PTCH1: variants seen among roughly 807,000 people sequenced by gnomAD.
The protein encoded by PTCH1 is patched 1.
PTCH1 carries 14 observed loss-of-function variants against 144.6 expected under a neutral mutation model. That is an observed-to-expected ratio of 0.10 (90% CI 0.06 to 0.15). The LOEUF (loss-of-function observed/expected upper bound fraction) is 0.15. PTCH1 is among the 10% of genes least tolerant of loss of function. The pLI, the probability that PTCH1 is intolerant of heterozygous loss-of-function variation, is 1.00. For synonymous variants in PTCH1, 833 were observed against 793.6 expected, an observed-to-expected ratio of 1.05 and a Z score of -0.83; for missense variants, 1,623 against 1,948.3, an observed-to-expected ratio of 0.83 and a Z score of 3.14.
chr9:95,453,390 A>C, intron 20 of PTCH1, 88 bp downstream of exon 20: 1 of 1,591,604 alleles, frequency 6.3e-7, no homozygotes, highest in East Asian at 2.2e-5. Flanking sequence ...TCGGCCTCCT[A>C]AAGTGCTGGG....
chr9:95,462,358 C>CG (rs1839564982), intron 15 of PTCH1, among the ~76,000 whole-genome samples: 1 of 152,164 alleles, frequency 6.6e-6, no homozygotes, highest in South Asian at 2.1e-4. Flanking sequence ...TCGTGCCACT[C>CG]GGGGTGCTAA....
chr9:95,447,918 T>C (rs994462191), intron 22 of PTCH1, among the ~76,000 whole-genome samples: 2 of 152,226 alleles, frequency 1.3e-5, no homozygotes, highest in African/African-American at 4.8e-5. Flanking sequence ...TAAGTTTTAA[T>C]GAACTAAAAT....
intron 17 of PTCH1, among the ~76,000 whole-genome samples, chr9:95,459,383 G>A (rs2136668322): frequency 6.6e-6 from 1 of 152,316 alleles, no homozygotes; most frequent in Non-Finnish European, 1.5e-5. Context: ...AGCTACGAAT[G>A]GAGACGAGAC....
intron 3 of PTCH1, 71 bp from the exon 4 acceptor site, chr9:95,482,274 A>C (rs1403788971): frequency 7.1e-7 from 1 of 1,415,142 alleles, no homozygotes; most frequent in East Asian, 2.3e-5. Context: ...TCGAAATGAT[A>C]GAACATATAA....
intron 16 of PTCH1, among the ~76,000 whole-genome samples, chr9:95,460,750 C>A (rs778880325): frequency 2.0e-5 from 3 of 152,120 alleles, no homozygotes; most frequent in African/African-American, 7.2e-5. Flanking sequence ...TTCTCCCTCC[C>A]GGGAGGAGGA....
intron 19 of PTCH1, 126 bp from the exon 20 acceptor site, chr9:95,453,746 T>A: frequency 7.7e-7 from 1 of 1,297,054 alleles, no homozygotes; most frequent in Non-Finnish European, 1.1e-6. Flanking sequence ...CTAGAATGTG[T>A]AATCAGAGTA....
chr9:95,459,340 G>A (rs577249790), intron 17 of PTCH1, among the ~76,000 whole-genome samples: 1 of 152,344 alleles, frequency 6.6e-6, no homozygotes, highest in Admixed American at 6.5e-5. Context: ...GCTGGCACGT[G>A]AGAGCAACGC....
At chr9:95,511,367 C>T (rs1022006778), upstream of PTCH1, among the ~76,000 whole-genome samples, 1 of 152,208 alleles carries the variant, frequency 6.6e-6, no homozygotes, top group Non-Finnish European at 1.5e-5. Flanking sequence ...GCCTCTCCTC[C>T]TCCCCGGCTT....
exon 1 of PTCH1, chr9:95,516,610 G>T (rs749971402): frequency 2.0e-5 from 32 of 1,599,826 alleles, no homozygotes; most frequent in Non-Finnish European, 1.6e-5. Context: ...GTCTTCCCTC[G>T]TCTCCCCCTT....
chr9:95,453,713 C>T lies in PTCH1; in HGVS notation c.3307-93G>A, dbSNP rs575730511. The T allele has an allele frequency of 1.3e-5, 20 of 1,532,806 alleles. No homozygotes were observed. In the South Asian group the frequency reaches 2.2e-4, roughly 17 times the overall value. The allele number at this position is 1,532,806 out of a possible 1,614,324, so 95.0% of individuals were successfully genotyped here. On this transcript the variant is annotated intron_variant, in intron 19 of 23. Coordinates refer to ENST00000331920, the MANE Select transcript of PTCH1 (RefSeq NM_000264.5). ...TAAATGTTACAAGCTCTCAGAACTG[C>T]TCACATCTTACTGTTTTAGTTGCTA...
intron 1 of PTCH1, chr9:95,514,569 A>T (rs1037338352): frequency 6.6e-6 from 1 of 152,180 alleles, no homozygotes; most frequent in Non-Finnish European, 1.5e-5. Context: ...CATCACGCCT[A>T]CACGTCTCAA....
rs1249805348 is a variant in PTCH1 at position 95,476,506 on chromosome 9, G to A, written c.1602+253C>T. On this transcript the variant is annotated intron_variant, in intron 11 of 23. Coordinates refer to ENST00000331920, the MANE Select transcript of PTCH1 (RefSeq NM_000264.5). This position sits in a 1 kb window ranked among gnomAD's most constrained non-coding sequence, Gnocchi z 4.6. ...GCTCTGGGAATGTATGGCAGTTAGG[G>A]ATAAAGTGTCACATTAAAACAAACA... is the stretch of plus-strand genomic sequence containing the variant. Among the ~76,000 whole-genome samples, 3 of 152,162 alleles carry A rather than the reference G, an allele frequency of 2.0e-5. No individual in the cohort carries two copies. The highest frequency in any genetic ancestry group is 4.8e-5 in the African/African-American group (2 of 41,424).
At chr9:95,478,272 C>T (rs1841245453) in intron 8 of PTCH1, 86 bp from the exon 9 acceptor site, 4 of 1,583,884 alleles carry the variant, frequency 2.5e-6, no homozygotes, top group Admixed American at 1.7e-5. Context: ...TGACACAGCG[C>T]AGCCCTTCTT....
At position 95,449,134 on chromosome 9, in the gene PTCH1, C is replaced by T. The variant is rs369966295; in HGVS notation, c.3739G>A (p.Ala1247Thr). The change falls in exon 22 of 24, where the codon GCG becomes ACG. Residue 1247 changes from alanine to threonine, a missense_variant. Transcript: ENST00000331920. The surrounding 1 kb of genome is among the most constrained non-coding windows in gnomAD (Gnocchi z 5.3). ...ELRHYEAQQG[A>T]GGPAHQVIVE... is the part of the protein sequence containing the mutation. ...ATCACTTGGTGGGCAGGGCCTCCCG[C>T]GCCCTGCTGGGCCTCGTAGTGCCGA... 33 of 1,614,030 alleles carry T rather than the reference C, an allele frequency of 2.0e-5. No individual in the cohort carries two copies. The highest frequency in any genetic ancestry group is 5.5e-5 in the South Asian group (5 of 91,070).
intron 2 of PTCH1, among the ~76,000 whole-genome samples, chr9:95,493,015 A>C (rs1245991145): frequency 1.3e-5 from 2 of 152,192 alleles, no homozygotes; most frequent in African/African-American, 4.8e-5. Flanking sequence ...AAGGCAAAAG[A>C]AGCATCACTT....
chr9:95,511,295 T>A (rs1348131815), upstream of PTCH1, among the ~76,000 whole-genome samples: 1 of 150,996 alleles, frequency 6.6e-6, no homozygotes, highest in Non-Finnish European at 1.5e-5. Flanking sequence ...TTCTCCTTCC[T>A]CCCTCGCCCC....
At position 95,476,401 on chromosome 9, in the gene PTCH1, T is replaced by A. The variant is rs1331557374; in HGVS notation, c.1603-242A>T. Among the ~76,000 whole-genome samples the A allele has an allele frequency of 2.0e-5, 3 of 152,192 alleles. No homozygotes were observed. Among genetic ancestry groups the A allele is most frequent in the Admixed American group, 6.5e-5 (1 of 15,288 alleles). ...AGAAGAAAGCTGCAAGATAATGACT[T>A]AACGCTTAAGTATAATTTTAAAAGG... On this transcript the variant is annotated intron_variant, in intron 11 of 23. Transcript: ENST00000331920. The surrounding 1 kb of genome is among the most constrained non-coding windows in gnomAD (Gnocchi z 4.6).
At chr9:95,499,666 G>T (rs961560142) in intron 2 of PTCH1, among the ~76,000 whole-genome samples, 30 of 152,122 alleles carry the variant, frequency 2.0e-4, no homozygotes, top group African/African-American at 5.5e-4. Context: ...CCTAAATAGT[G>T]TCAAAAGAGT....
intron 2 of PTCH1, among the ~76,000 whole-genome samples, chr9:95,496,097 G>A (rs1372107375): frequency 6.6e-6 from 1 of 152,142 alleles, no homozygotes; most frequent in Non-Finnish European, 1.5e-5. Flanking sequence ...CCTGCAGCTG[G>A]AACACAATAC....
Sources: allele counts gnomAD v4.1 joint callset (sites outside exome capture counted in the v4.1 genomes callset), GRCh38; gene constraint gnomAD v4.1.1; non-coding constraint Gnocchi (gnomAD v3.1); transcripts MANE v1.5; gene names NCBI Gene and HGNC (gene_info 2026-07-23, HGNC 2026-07-21).